The following C8orf82 variants were observed in gnomAD, a reference collection of about 807,000 sequenced individuals.
C8orf82 encodes UPF0598 protein C8orf82.
C8orf82 carries 24 observed loss-of-function variants against 15.0 expected under a neutral mutation model. The observed-to-expected ratio is 1.60, with a 90% CI of 1.16 to 2.24. The LOEUF is 2.24. C8orf82 is among the 30% of genes most tolerant of loss of function. The pLI, the probability that C8orf82 is intolerant of heterozygous loss-of-function variation, is 0.00. For synonymous variants in C8orf82, 205 were observed against 152.2 expected (o/e 1.35, Z -2.55); for missense variants, 388 against 317.4 (o/e 1.22, Z -1.69).
rs184782222 is a variant in C8orf82 at position 144,526,298 on chromosome 8, A to C, written c.*1044T>G. ...CCCAGATGTCTCAGGACGCGTGTGA[A>C]CCCCAAGAAGTTGGGGGCGTTATCT... On this transcript the variant is annotated 3_prime_UTR_variant, in exon 3 of 3. Transcript: ENST00000524821. The C allele has an allele frequency of 6.6e-6, 1 of 152,186 alleles. No individual in the cohort carries two copies. Among genetic ancestry groups the C allele is most frequent in the African/African-American group, 2.4e-5 (1 of 41,436 alleles). 9.4% of individuals were successfully genotyped at this position (152,186 alleles called of 1,614,324 possible).
rs1222076652 is a variant in C8orf82, at chr8:144,528,976, G to C, written c.-60C>G. 3 of 1,432,970 alleles carry C rather than the reference G, an allele frequency of 2.1e-6. No homozygotes were observed. The highest frequency in any genetic ancestry group is 2.7e-6 in the Non-Finnish European group (3 of 1,096,742). 88.8% of individuals were successfully genotyped at this position (1,432,970 alleles called of 1,614,324 possible). On this transcript the variant is annotated 5_prime_UTR_variant, in exon 1 of 3. Transcript: ENST00000524821. ...GCCGGGGGCGGTGCTGCGCGAACTC[G>C]CGCCTGCCCGCAGTAGCCCCGCGCT...
At chr8:144,528,539 G>A in intron 1 of C8orf82, 5 of 1,360,280 alleles carry the variant, frequency 3.7e-6, no homozygotes, top group Middle Eastern at 2.6e-4. Flanking sequence ...CCTCGGCCCG[G>A]ACCGACCCAA....
intron 1 of C8orf82, 192 bp from the exon 2 acceptor site, chr8:144,528,264 GCACCTCTGCTCC>G: frequency 3.3e-6 from 5 of 1,501,236 alleles, no homozygotes; most frequent in Non-Finnish European, 4.4e-6. Context: ...GCGTCTATGC[GCACCTCTGCTCC>G]CTGGTCAGCC....
rs1349724487 is a variant in C8orf82, at chr8:144,526,914, C to T, written c.*428G>A. ...TCAGAGCCGGGATGGTCCCCGATCC[C>T]CCAGCGCCCCCACGCCTGGTGACCT... On this transcript the variant is annotated 3_prime_UTR_variant, in exon 3 of 3. Coordinates refer to ENST00000524821, the MANE Select transcript of C8orf82 (RefSeq NM_001001795.2). 1.3e-5 allele frequency: 2 copies of T among 152,300 alleles called. No individual in the cohort carries two copies. Among genetic ancestry groups the T allele is most frequent in the South Asian group, 2.1e-4 (1 of 4,834 alleles). The allele number at this position is 152,300 out of a possible 1,614,324, so 9.4% of individuals were successfully genotyped here. A position where few individuals can be genotyped will look rare whatever the true frequency, so the allele number is the denominator to read the frequency against.
At position 144,527,600 on chromosome 8, in the gene C8orf82, G is replaced by T. The variant is rs1184953601; in HGVS notation, c.393C>A (p.Gly131=). The change falls in exon 3 of 3, where the codon GGC becomes GGA. Residue 131 remains glycine, a synonymous_variant. Coordinates refer to ENST00000524821, the MANE Select transcript of C8orf82 (RefSeq NM_001001795.2). ...AGGGCACGGCCAGGGCCTCGCCACCGCCGCAGTAGGAGAGGCGCGGAGGCC... is the reference window on the plus strand; with the variant it reads ...AGGGCACGGCCAGGGCCTCGCCACCTCCGCAGTAGGAGAGGCGCGGAGGCC... ...DHGPPRLSYC[G]GGEALAVPFE... is the part of the protein sequence containing the mutation. The T allele has an allele frequency of 2.0e-6, 3 of 1,517,526 alleles. No individual in the cohort carries two copies. The highest frequency in any genetic ancestry group is 2.6e-6 in the Non-Finnish European group (3 of 1,137,192). The allele number at this position is 1,517,526 out of a possible 1,614,324, so 94.0% of individuals were successfully genotyped here.
rs1019807418 is a variant in C8orf82 at position 144,526,525 on chromosome 8, C to G, written c.*817G>C. 6.6e-6 allele frequency: 1 copy of G among 152,424 alleles called. No individual in the cohort carries two copies. Among genetic ancestry groups the G allele is most frequent in the South Asian group, 2.1e-4 (1 of 4,832 alleles). The allele number at this position is 152,424 out of a possible 1,614,324, so 9.4% of individuals were successfully genotyped here. On this transcript the variant is annotated 3_prime_UTR_variant, in exon 3 of 3. Coordinates refer to ENST00000524821, the MANE Select transcript of C8orf82 (RefSeq NM_001001795.2). ...CCAGGGCAGGGATGAGGGCCCCAAGCTGGAAGCAGCCCAGAAATCCTTTTA... is the reference window on the plus strand; with the variant it reads ...CCAGGGCAGGGATGAGGGCCCCAAGGTGGAAGCAGCCCAGAAATCCTTTTA...
rs878906328 is a variant in C8orf82, at chr8:144,527,523, G to A, written c.470C>T (p.Pro157Leu). 19 of 1,362,138 alleles carry A rather than the reference G, an allele frequency of 1.4e-5. No homozygotes were observed. In the South Asian group the frequency reaches 2.4e-4, roughly 17 times the overall value. 84.4% of individuals were successfully genotyped at this position (1,362,138 alleles called of 1,614,324 possible). The part of the protein sequence containing the change: ...PLAANGRLYH[P>L]APERAGGVGL... ...CACGCCGCCCGCACGCTCCGGCGCC[G>A]GGTGGTACAGGCGCCCGTTGGCGGC... is the stretch of plus-strand genomic sequence containing the variant. The change falls in exon 3 of 3, where the codon CCG (proline) becomes CTG (leucine). Residue 157 changes from proline to leucine, a missense_variant. Physicochemically the swap from Pro to Leu is moderately conservative, Grantham distance 98 (BLOSUM62 -3). Coordinates refer to ENST00000524821, the MANE Select transcript of C8orf82 (RefSeq NM_001001795.2).
Position 144,527,144 on chromosome 8 carries a change from C to CGCGCGCCGTGGGGA in C8orf82, c.*184_*197dup. On this transcript the variant is annotated 3_prime_UTR_variant, in exon 3 of 3. Coordinates refer to ENST00000524821, the MANE Select transcript of C8orf82 (RefSeq NM_001001795.2). ...GCGCCGGAGTCGGGTGCGCGGGGGG[C>CGCGCGCCGTGGGGA]GCGCGCCGTGGGGAGCGGGGTGTCC... 1 of 244,526 alleles carries CGCGCGCCGTGGGGA rather than the reference C, an allele frequency of 4.1e-6. No individual in the cohort carries two copies. Among genetic ancestry groups the CGCGCGCCGTGGGGA allele is most frequent in the South Asian group, 1.7e-4 (1 of 6,028 alleles). The allele number at this position is 244,526 out of a possible 1,614,324, so 15.1% of individuals were successfully genotyped here.
rs1348330878 is a variant in C8orf82 at position 144,526,662 on chromosome 8, G to A, written c.*680C>T. The A allele has an allele frequency of 6.6e-6, 1 of 152,304 alleles. No homozygotes were observed. The highest frequency in any genetic ancestry group is 1.5e-5 in the Non-Finnish European group (1 of 68,062). 9.4% of individuals were successfully genotyped at this position (152,304 alleles called of 1,614,324 possible). A position where few individuals can be genotyped will look rare whatever the true frequency, so the allele number is the denominator to read the frequency against. On this transcript the variant is annotated 3_prime_UTR_variant, in exon 3 of 3. Coordinates refer to ENST00000524821, the MANE Select transcript of C8orf82 (RefSeq NM_001001795.2). ...CCTCTGTGCGGGAGCGGGGAGGGAAGAGGATGGAACGCCCTGTGTCTGCCT... is the reference window on the plus strand; with the variant it reads ...CCTCTGTGCGGGAGCGGGGAGGGAAAAGGATGGAACGCCCTGTGTCTGCCT...
intron 1 of C8orf82, 163 bp downstream of exon 1, chr8:144,528,598 T>C: frequency 8.9e-7 from 1 of 1,129,726 alleles, no homozygotes; most frequent in Non-Finnish European, 1.2e-6. Context: ...GAGTCGAGGT[T>C]GCCCACCGCG....
In C8orf82 at chr8:144,527,277, G is replaced by A; in HGVS notation, c.*65C>T. ...GCGCGGGTGGCGCGGGCTTTCCGGG[G>A]CGTGGAGTCCCGGGGGAGCGGGGCG... is the stretch of plus-strand genomic sequence containing the variant. On this transcript the variant is annotated 3_prime_UTR_variant, in exon 3 of 3. Coordinates refer to ENST00000524821, the MANE Select transcript of C8orf82 (RefSeq NM_001001795.2). The A allele has an allele frequency of 1.9e-6, 2 of 1,070,410 alleles. No individual in the cohort carries two copies. The highest frequency in any genetic ancestry group is 2.3e-6 in the Non-Finnish European group (2 of 863,976). 66.3% of individuals were successfully genotyped at this position (1,070,410 alleles called of 1,614,324 possible). A position where few individuals can be genotyped will look rare whatever the true frequency, so the allele number is the denominator to read the frequency against.
rs760302029 is a variant in C8orf82, at chr8:144,529,075, G to A, written c.-159C>T. ...CCTCTCCCTCGGGCCTCGGGGGCTCGCCCGCCCTGGCCTTCCGAGAGGCGT... is the reference window on the plus strand; with the variant it reads ...CCTCTCCCTCGGGCCTCGGGGGCTCACCCGCCCTGGCCTTCCGAGAGGCGT... On this transcript the variant is annotated 5_prime_UTR_variant, in exon 1 of 3. Coordinates refer to ENST00000524821, the MANE Select transcript of C8orf82 (RefSeq NM_001001795.2). The A allele has an allele frequency of 9.3e-6, 6 of 645,668 alleles. No homozygotes were observed. The highest frequency in any genetic ancestry group is 2.3e-6 in the Non-Finnish European group (1 of 430,902). 40.0% of individuals were successfully genotyped at this position (645,668 alleles called of 1,614,324 possible).
In C8orf82 at chr8:144,527,609, GGA is replaced by G; in HGVS notation, c.382_383del (p.Ser128LeufsTer124). ...LTADHGPPRL[S>X]YCGGGEALAV... Reference sequence around the variant, plus strand: ...CCAGGGCCTCGCCACCGCCGCAGTAGGAGAGGCGCGGAGGCCCGTGGTCCGCG... The same window carrying G: ...CCAGGGCCTCGCCACCGCCGCAGTAGGAGGCGCGGAGGCCCGTGGTCCGCG... On this transcript the variant is annotated frameshift_variant, in exon 3 of 3. Transcript: ENST00000524821. LOFTEE classifies it high-confidence loss of function. The G allele has an allele frequency of 6.6e-7, 1 of 1,525,654 alleles. No homozygotes were observed. The highest frequency in any genetic ancestry group is 8.8e-7 in the Non-Finnish European group (1 of 1,141,228). The allele number at this position is 1,525,654 out of a possible 1,614,324, so 94.5% of individuals were successfully genotyped here. A position where few individuals can be genotyped will look rare whatever the true frequency, so the allele number is the denominator to read the frequency against.
In C8orf82 at chr8:144,526,334, G is replaced by A. The variant is rs987403755; in HGVS notation, c.*1008C>T. ...TTGGGGGCGTTATCTGGGCCCTTGGGATCCATTCCCCTGGGTATAAAGTGT... is the reference window on the plus strand; with the variant it reads ...TTGGGGGCGTTATCTGGGCCCTTGGAATCCATTCCCCTGGGTATAAAGTGT... On this transcript the variant is annotated 3_prime_UTR_variant, in exon 3 of 3. Coordinates refer to ENST00000524821, the MANE Select transcript of C8orf82 (RefSeq NM_001001795.2). 4 of 152,238 alleles carry A rather than the reference G, an allele frequency of 2.6e-5. No homozygotes were observed. The East Asian group carries it at 7.7e-4, about 29-fold the overall frequency. The allele number at this position is 152,238 out of a possible 1,614,324, so 9.4% of individuals were successfully genotyped here.
In C8orf82 at chr8:144,527,593, C is replaced by T. The variant is rs1816417307; in HGVS notation, c.400G>A (p.Glu134Lys). ...GGCTCGAAGGGCACGGCCAGGGCCTCGCCACCGCCGCAGTAGGAGAGGCGC... is the reference window on the plus strand; with the variant it reads ...GGCTCGAAGGGCACGGCCAGGGCCTTGCCACCGCCGCAGTAGGAGAGGCGC... Reference protein sequence around the residue: ...PPRLSYCGGGEALAVPFEPAR... With the variant: ...PPRLSYCGGGKALAVPFEPAR... The change falls in exon 3 of 3, where the codon GAG (glutamate) becomes AAG (lysine). Residue 134 changes from glutamate to lysine, a missense_variant. By Grantham distance (56) the Glu-to-Lys change is moderately conservative (BLOSUM62 1). Coordinates refer to ENST00000524821, the MANE Select transcript of C8orf82 (RefSeq NM_001001795.2). 4 of 1,513,240 alleles carry T rather than the reference C, an allele frequency of 2.6e-6. No individual in the cohort carries two copies. Among genetic ancestry groups the T allele is most frequent in the Non-Finnish European group, 1.8e-6 (2 of 1,135,318 alleles). The allele number at this position is 1,513,240 out of a possible 1,614,324, so 93.7% of individuals were successfully genotyped here. A position where few individuals can be genotyped will look rare whatever the true frequency, so the allele number is the denominator to read the frequency against.
rs1370808342 is a variant in C8orf82, at chr8:144,527,177, C to T, written c.*165G>A. 3 of 369,298 alleles carry T rather than the reference C, an allele frequency of 8.1e-6. No individual in the cohort carries two copies. Among genetic ancestry groups the T allele is most frequent in the African/African-American group, 4.4e-5 (2 of 45,764 alleles). 22.9% of individuals were successfully genotyped at this position (369,298 alleles called of 1,614,324 possible). ...GTGGGGAGCGGGGTGTCCGGGAGGG[C>T]CGGGCCGCGGCAGCACCAAGGACAG... On this transcript the variant is annotated 3_prime_UTR_variant, in exon 3 of 3. Transcript: ENST00000524821.
chr8:144,528,463 G>A (rs1253070334), intron 1 of C8orf82: 1 of 1,475,198 alleles, frequency 6.8e-7, no homozygotes, highest in African/African-American at 1.4e-5. Flanking sequence ...TCAGCGCCGG[G>A]GCTGGGGACT....
At position 144,527,776 on chromosome 8, in the gene C8orf82, G is replaced by A. The variant is rs141953984; in HGVS notation, c.217C>T (p.Leu73=). Residue 73 remains leucine (L), a synonymous_variant, in exon 3 of 3, where the codon CTG becomes TTG. Transcript: ENST00000524821. Reference sequence around the variant, plus strand: ...CTCAGGCGGGAGAAGAAGGTGACCAGGAACTGCGGGTCTGGGGGATGAAGG... The same window carrying A: ...CTCAGGCGGGAGAAGAAGGTGACCAAGAACTGCGGGTCTGGGGGATGAAGG... ...FITCFKDPQF[L]VTFFSRLRPN... The A allele has an allele frequency of 1.3e-6, 2 of 1,594,496 alleles. No homozygotes were observed. Among genetic ancestry groups the A allele is most frequent in the South Asian group, 2.2e-5 (2 of 90,600 alleles).
At chr8:144,527,815 G>A in intron 2 of C8orf82, 28 bp from the exon 3 acceptor site, 1 of 1,589,382 alleles carries the variant, frequency 6.3e-7, no homozygotes, top group Non-Finnish European at 8.5e-7. Flanking sequence ...CGTGTACTCA[G>A]CGCGCTGGGC....
Sources: allele counts gnomAD v4.1 joint callset, GRCh38; gene constraint gnomAD v4.1.1; transcripts MANE v1.5; gene names NCBI Gene and HGNC (gene_info 2026-07-23, HGNC 2026-07-21).